GOLGA8Q: variants seen among roughly 807,000 people sequenced by gnomAD.
The protein encoded by GOLGA8Q is golgin A8 family member Q.
GOLGA8Q carries 3 observed loss-of-function variants against 48.7 expected under a neutral mutation model. The observed-to-expected ratio is 0.06, with a 90% CI of 0.03 to 0.16. The LOEUF (loss-of-function observed/expected upper bound fraction) is 0.16, where lower values mean the gene tolerates loss of function less well. Ranked by LOEUF, GOLGA8Q falls within the 10% of genes least tolerant of loss-of-function variation. GOLGA8Q has a pLI of 1.00. For missense variants in GOLGA8Q, 49 were observed against 364.3 expected (o/e 0.13, Z 7.05); for synonymous variants, 22 against 138.2 (o/e 0.16, Z 5.90).
chr15:30,559,733 C>G (rs996579432), intron 13 of GOLGA8Q, among the ~76,000 whole-genome samples: 2 of 150,822 alleles, frequency 1.3e-5, no homozygotes, highest in Non-Finnish European at 3.0e-5. Context: ...TGGCGCATGC[C>G]TGTAATTCCA....
chr15:30,565,373 AAG>A lies in GOLGA8Q; in HGVS notation c.*2875_*2876del, dbSNP rs1427309109. ...ATAGTTTCTCTAAAACTTTATTTTAAAGAGTCATTTTAAAATAATATAACTAT... is the reference window on the plus strand; with the variant it reads ...ATAGTTTCTCTAAAACTTTATTTTAAAGTCATTTTAAAATAATATAACTAT... On this transcript the variant is annotated 3_prime_UTR_variant, in exon 19 of 19. Coordinates refer to ENST00000562783, the MANE Select transcript of GOLGA8Q (RefSeq NM_001355476.2). Among the ~76,000 whole-genome samples, 6 of 115,490 alleles carry A rather than the reference AAG, an allele frequency of 5.2e-5. No individual in the cohort carries two copies. The highest frequency in any genetic ancestry group is 2.8e-4 in the South Asian group (1 of 3,630). 75.8% of individuals were successfully genotyped at this position (115,490 alleles called of 152,430 possible).
rs763738483 is a variant in GOLGA8Q, at chr15:30,560,616, G to C, written c.1276+5G>C. 5 of 1,125,686 alleles carry C rather than the reference G, an allele frequency of 4.4e-6. 2 individuals are homozygous for C. The highest frequency in any genetic ancestry group is 4.2e-5 in the South Asian group (3 of 70,788). The allele number at this position is 1,125,686 out of a possible 1,614,324, so 69.7% of individuals were successfully genotyped here. On this transcript the variant is annotated splice_donor_5th_base_variant and intron_variant, in intron 14 of 18. Coordinates refer to ENST00000562783, the MANE Select transcript of GOLGA8Q (RefSeq NM_001355476.2). ...TCATGGCTCTCCCTGGGGAAGGTAC[G>C]GGAGACCGCTCAGAGGAAGAGGAGA...
intron 4 of GOLGA8Q, among the ~76,000 whole-genome samples, chr15:30,555,515 G>C (rs886198494): frequency 9.2e-6 from 1 of 108,352 alleles, no homozygotes; most frequent in Non-Finnish European, 2.1e-5. Flanking sequence ...GAGTATCAAA[G>C]GTCTCTGTTA....
In GOLGA8Q at chr15:30,558,107, G is replaced by C; in HGVS notation, c.786+56G>C. On this transcript the variant is annotated intron_variant, in intron 10 of 18. Coordinates refer to ENST00000562783, the MANE Select transcript of GOLGA8Q (RefSeq NM_001355476.2). ...TAGATAGGGCACTGGATCTTTCTGGGCATCTGTAAAATGGGAATAGTAGAG... is the reference window on the plus strand; with the variant it reads ...TAGATAGGGCACTGGATCTTTCTGGCCATCTGTAAAATGGGAATAGTAGAG... 2.1e-6 allele frequency: 2 copies of C among 944,624 alleles called. 1 individual carries two copies. Among genetic ancestry groups the C allele is most frequent in the Non-Finnish European group, 3.0e-6 (2 of 660,572 alleles). 58.5% of individuals were successfully genotyped at this position (944,624 alleles called of 1,614,324 possible). A position where few individuals can be genotyped will look rare whatever the true frequency, so the allele number is the denominator to read the frequency against.
chr15:30,554,298 T>C lies in GOLGA8Q; in HGVS notation c.168+387T>C, dbSNP rs1325127156. ...AGCCTGGTGAAAGAGCAAGACTCTG[T>C]CTCAAAAAAAAAAAAAAGGAATTCT... is the stretch of plus-strand genomic sequence containing the variant. On this transcript the variant is annotated intron_variant, in intron 2 of 18. Coordinates refer to ENST00000562783, the MANE Select transcript of GOLGA8Q (RefSeq NM_001355476.2). 4.7e-5 allele frequency among the ~76,000 whole-genome samples: 6 copies of C among 127,392 alleles called. 1 individual carries two copies. Among genetic ancestry groups the C allele is most frequent in the Non-Finnish European group, 9.9e-5 (6 of 60,756 alleles). 83.6% of individuals were successfully genotyped at this position (127,392 alleles called of 152,430 possible).
At position 30,555,569 on chromosome 15, in the gene GOLGA8Q, CAG is replaced by C. The variant is rs1253627787; in HGVS notation, c.310-404_310-403del. Among the ~76,000 whole-genome samples, 2 of 110,368 alleles carry C rather than the reference CAG, an allele frequency of 1.8e-5. 1 individual carries two copies. Among genetic ancestry groups the C allele is most frequent in the Non-Finnish European group, 4.1e-5 (2 of 48,976 alleles). The allele number at this position is 110,368 out of a possible 152,430, so 72.4% of individuals were successfully genotyped here. Reference sequence around the variant, plus strand: ...TAAAGGCCCCCTAGAACGGAAACCTCAGGGCTAAGGGCTCCTGTCTGTCCTTT... The same window carrying C: ...TAAAGGCCCCCTAGAACGGAAACCTCGGCTAAGGGCTCCTGTCTGTCCTTT... On this transcript the variant is annotated intron_variant, in intron 4 of 18. Coordinates refer to ENST00000562783, the MANE Select transcript of GOLGA8Q (RefSeq NM_001355476.2).
chr15:30,559,468 G>A (rs1458773340), intron 13 of GOLGA8Q, 177 bp downstream of exon 13: 2 of 409,436 alleles, frequency 4.9e-6, no homozygotes, highest in Non-Finnish European at 4.6e-6. Context: ...TTTTAAAGGT[G>A]GGTAGCCCTG....
At chr15:30,552,893 T>TA in intron 1 of GOLGA8Q, among the ~76,000 whole-genome samples, 1 of 39,140 alleles carries the variant, frequency 2.6e-5, no homozygotes, top group Non-Finnish European at 4.7e-5. Flanking sequence ...GGGAAAAGCC[T>TA]ACACTTCCCC....
At chr15:30,560,502 C>T in intron 13 of GOLGA8Q, 34 bp from the exon 14 acceptor site, 1 of 1,073,526 alleles carries the variant, frequency 9.3e-7, no homozygotes, top group East Asian at 2.5e-5. Flanking sequence ...ACCTGGCAAA[C>T]TCCATCCCTT....
chr15:30,559,704 A>G (rs1307661874), intron 13 of GOLGA8Q, among the ~76,000 whole-genome samples: 1 of 151,354 alleles, frequency 6.6e-6, no homozygotes, highest in African/African-American at 2.4e-5. Context: ...TTAAAAAAAA[A>G]AAAATTAGCA....
Position 30,560,622 on chromosome 15 carries a change from C to T in GOLGA8Q, c.1276+11C>T. ...CTCTCCCTGGGGAAGGTACGGGAGA[C>T]CGCTCAGAGGAAGAGGAGAGAGCCC... On this transcript the variant is annotated intron_variant, in intron 14 of 18. Transcript: ENST00000562783. The T allele has an allele frequency of 6.2e-6, 7 of 1,120,444 alleles. 3 individuals are homozygous for T. The highest frequency in any genetic ancestry group is 8.4e-6 in the Non-Finnish European group (7 of 829,100). The allele number at this position is 1,120,444 out of a possible 1,614,324, so 69.4% of individuals were successfully genotyped here.
Position 30,560,584 on chromosome 15 carries a change from C to T in GOLGA8Q, c.1249C>T (p.Leu417=). 1.8e-6 allele frequency: 2 copies of T among 1,132,538 alleles called. 1 individual carries two copies. Among genetic ancestry groups the T allele is most frequent in the Middle Eastern group, 5.9e-4 (2 of 3,386 alleles). 70.2% of individuals were successfully genotyped at this position (1,132,538 alleles called of 1,614,324 possible). A position where few individuals can be genotyped will look rare whatever the true frequency, so the allele number is the denominator to read the frequency against. The change falls in exon 14 of 19, where the codon CTG becomes TTG. Residue 417 remains leucine, a synonymous_variant. Transcript: ENST00000562783. ...SQQNQQLTAQ[L]NLMALPGEGH... ...GCAGAACCAGCAGCTAACGGCCCAG[C>T]TGAACCTCATGGCTCTCCCTGGGGA...
chr15:30,561,653 A>AT, intron 15 of GOLGA8Q, 56 bp from the exon 16 acceptor site: 2 of 816,630 alleles, frequency 2.4e-6, no homozygotes, highest in South Asian at 2.9e-5. Context: ...ATGACTTGAA[A>AT]ATGCCACCTG....
At position 30,554,399 on chromosome 15, in the gene GOLGA8Q, C is replaced by T. The variant is rs1294161598; in HGVS notation, c.169-402C>T. Among the ~76,000 whole-genome samples, 8 of 82,536 alleles carry T rather than the reference C, an allele frequency of 9.7e-5. No individual in the cohort carries two copies. In the East Asian group the frequency reaches 2.0e-3, roughly 21 times the overall value. The allele number at this position is 82,536 out of a possible 152,430, so 54.1% of individuals were successfully genotyped here. ...CAAGTTGCTAGACCTCATTGGGCCT[C>T]TCTTTTCACATCTGTATAATAGAGG... On this transcript the variant is annotated intron_variant, in intron 2 of 18. Transcript: ENST00000562783.
intron 4 of GOLGA8Q, among the ~76,000 whole-genome samples, chr15:30,555,565 A>G (rs1595579988): frequency 9.1e-6 from 1 of 110,258 alleles, no homozygotes; most frequent in Non-Finnish European, 2.0e-5. Context: ...TAGAACGGAA[A>G]CCTCAGGGCT....
rs1307729538 is a variant in GOLGA8Q at position 30,560,334 on chromosome 15, A to G, written c.1201-202A>G. 2.2e-5 allele frequency among the ~76,000 whole-genome samples: 2 copies of G among 90,722 alleles called. 1 individual carries two copies. Among genetic ancestry groups the G allele is most frequent in the Admixed American group, 1.9e-4 (2 of 10,298 alleles). The allele number at this position is 90,722 out of a possible 152,430, so 59.5% of individuals were successfully genotyped here. ...CGCCTATCAGCAGCTGACCTGTGAG[A>G]AGGAGGCGCTGTACAGGCAGTGACT... On this transcript the variant is annotated intron_variant, in intron 13 of 18. Transcript: ENST00000562783.
intron 13 of GOLGA8Q, among the ~76,000 whole-genome samples, chr15:30,559,978 CA>C (rs1369575136): frequency 8.0e-6 from 1 of 124,572 alleles, no homozygotes; most frequent in Non-Finnish European, 1.7e-5. Context: ...GGGAAGTTAG[CA>C]TTTTCCTTAC....
chr15:30,565,286 C>A lies in GOLGA8Q; in HGVS notation c.*2785C>A. Among the ~76,000 whole-genome samples, 2 of 84,580 alleles carry A rather than the reference C, an allele frequency of 2.4e-5. No individual in the cohort carries two copies. Among genetic ancestry groups the A allele is most frequent in the African/African-American group, 4.7e-5 (1 of 21,358 alleles). The allele number at this position is 84,580 out of a possible 152,430, so 55.5% of individuals were successfully genotyped here. ...ATTTTCCAGAAATGAAAAAAAAAAT[C>A]AGCTCTAAAACCAAAGCTGATTTTA... On this transcript the variant is annotated 3_prime_UTR_variant, in exon 19 of 19. Coordinates refer to ENST00000562783, the MANE Select transcript of GOLGA8Q (RefSeq NM_001355476.2).
At chr15:30,554,250 C>T (rs984695889) in intron 2 of GOLGA8Q, among the ~76,000 whole-genome samples, 4 of 119,944 alleles carry the variant, frequency 3.3e-5, no homozygotes, top group Admixed American at 3.2e-4. Context: ...CTTGCAGTGG[C>T]CAAGATTATG....
Sources: allele counts gnomAD v4.1 joint callset (sites outside exome capture counted in the v4.1 genomes callset), GRCh38; gene constraint gnomAD v4.1.1; transcripts MANE v1.5; gene names NCBI Gene and HGNC (gene_info 2026-07-23, HGNC 2026-07-21).